Variants in NEDD9 observed in about 807,000 individuals in gnomAD.
NEDD9 encodes the protein neural precursor cell expressed, developmentally down-regulated 9.
A neutral mutation model predicts 76.6 loss-of-function variants in NEDD9; 26 were observed. The ratio of observed to expected loss-of-function variants is 0.34; its 90% CI spans 0.25 to 0.47. The LOEUF (loss-of-function observed/expected upper bound fraction) is 0.47, where lower values mean the gene tolerates loss of function less well. NEDD9 is among the 20% of genes least tolerant of loss of function. The pLI is 1.00. For missense variants in NEDD9, 937 were observed against 1,058.5 expected, an observed-to-expected ratio of 0.89 and a Z score of 1.59; for synonymous variants, 392 against 414.2, an observed-to-expected ratio of 0.95 and a Z score of 0.65.
upstream of NEDD9, among the ~76,000 whole-genome samples, chr6:11,234,877 A>AT (rs1316283831): frequency 7.2e-5 from 11 of 151,860 alleles, no homozygotes; most frequent in African/African-American, 1.2e-4. Context: ...TACCTGGCTA[A>AT]TTTTTTGTAT....
At chr6:11,293,800 C>G (rs1344288210) in intron 3 of NEDD9, among the ~76,000 whole-genome samples, 1 of 152,178 alleles carries the variant, frequency 6.6e-6, no homozygotes, top group Admixed American at 6.5e-5. Flanking sequence ...TCCTCCCAGT[C>G]CCCCAACCCC....
At chr6:11,193,751 G>T in intron 2 of NEDD9, 59 bp from the exon 3 acceptor site, 1 of 1,162,748 alleles carries the variant, frequency 8.6e-7, no homozygotes, top group Non-Finnish European at 1.3e-6. Context: ...GAATCTCCTT[G>T]CCTCCTAACT....
At chr6:11,275,559 C>G (rs1235577130) in intron 3 of NEDD9, among the ~76,000 whole-genome samples, 1 of 147,126 alleles carries the variant, frequency 6.8e-6, no homozygotes, top group Non-Finnish European at 1.5e-5. Context: ...CACACACACA[C>G]ACACACATAT....
upstream of NEDD9, among the ~76,000 whole-genome samples, chr6:11,234,191 G>T (rs1231524827): frequency 6.6e-6 from 1 of 152,054 alleles, no homozygotes; most frequent in Admixed American, 6.5e-5. Context: ...ATTGTGCAAG[G>T]CCTTTCTGAA....
At chr6:11,356,520 T>C (rs1300402441) in intron 1 of NEDD9, among the ~76,000 whole-genome samples, 1 of 152,198 alleles carries the variant, frequency 6.6e-6, no homozygotes, top group Non-Finnish European at 1.5e-5. Flanking sequence ...TCTTAAATTT[T>C]CCGTGCATCA....
intron 3 of NEDD9, among the ~76,000 whole-genome samples, chr6:11,268,957 G>A (rs1760252372): frequency 6.6e-6 from 1 of 152,168 alleles, no homozygotes; most frequent in Non-Finnish European, 1.5e-5. Context: ...GGGAATTTGT[G>A]AACTTAGAGA....
intron 1 of NEDD9, among the ~76,000 whole-genome samples, chr6:11,356,945 C>G (rs997206118): frequency 2.2e-4 from 33 of 152,118 alleles, no homozygotes; most frequent in Admixed American, 6.5e-5. Context: ...GGTGGGGCAA[C>G]AGGATTTCCT....
chr6:11,320,504 T>C (rs1030513893), intron 2 of NEDD9, among the ~76,000 whole-genome samples: 2 of 152,134 alleles, frequency 1.3e-5, no homozygotes, highest in Admixed American at 6.5e-5. Flanking sequence ...AGACTGCAGG[T>C]GCATACAGCC....
intron 1 of NEDD9, among the ~76,000 whole-genome samples, chr6:11,371,668 A>C (rs1762877721): frequency 6.6e-6 from 1 of 152,234 alleles, no homozygotes. Flanking sequence ...GTTGTAGATA[A>C]CAGGTGAGAA....
intron 2 of NEDD9, among the ~76,000 whole-genome samples, chr6:11,311,522 C>A (rs1441046763): frequency 6.6e-6 from 1 of 152,224 alleles, no homozygotes; most frequent in Non-Finnish European, 1.5e-5. Context: ...CATTAGAATT[C>A]TGCTTACTGA....
intron 1 of NEDD9, among the ~76,000 whole-genome samples, chr6:11,368,644 G>A (rs1762808889): frequency 1.3e-5 from 2 of 152,178 alleles, no homozygotes. Flanking sequence ...TTGAGTGCTT[G>A]TACATATCTG....
intron 2 of NEDD9, chr6:11,200,844 A>G: frequency 6.5e-7 from 1 of 1,542,302 alleles, no homozygotes; most frequent in Non-Finnish European, 8.7e-7. Context: ...AAGACACGCC[A>G]ATGGGAAACC....
At chr6:11,227,717 G>A (rs1053762881) in intron 1 of NEDD9, among the ~76,000 whole-genome samples, 2 of 152,180 alleles carry the variant, frequency 1.3e-5, no homozygotes, top group African/African-American at 2.4e-5. Flanking sequence ...AGGCCCAGTA[G>A]GCAACCTATC....
chr6:11,354,541 G>T (rs1397726130), intron 1 of NEDD9, among the ~76,000 whole-genome samples: 2 of 152,216 alleles, frequency 1.3e-5, no homozygotes, highest in African/African-American at 4.8e-5. Context: ...ACATGGAGCT[G>T]CATGCTGTTG....
intron 3 of NEDD9, among the ~76,000 whole-genome samples, chr6:11,247,200 T>C (rs1759828236): frequency 6.6e-6 from 1 of 152,226 alleles, no homozygotes; most frequent in Non-Finnish European, 1.5e-5. Flanking sequence ...CAGTCCATTC[T>C]TTCCTCCCTG....
rs558301012 is a variant in NEDD9 at position 11,323,455 on chromosome 6, G to A, written c.-153+11046C>T. On this transcript the variant is annotated intron_variant, in intron 2 of 3. Transcript: ENST00000397378. ...CCTCTGCAGGGCTCATGGGCTCAAA[G>A]TCACAGGTTCTCACCAAGGGTGATG... 3.9e-5 allele frequency among the ~76,000 whole-genome samples: 6 copies of A among 152,362 alleles called. No individual in the cohort carries two copies. In the South Asian group the frequency reaches 1.2e-3, roughly 32 times the overall value.
At chr6:11,246,203 A>G (rs1426138989) in intron 3 of NEDD9, among the ~76,000 whole-genome samples, 1 of 152,236 alleles carries the variant, frequency 6.6e-6, no homozygotes, top group Non-Finnish European at 1.5e-5. Flanking sequence ...CATTCCAGCA[A>G]AATGGACTGA....
exon 3 of NEDD9, chr6:11,306,126 T>C (rs1761178822): frequency 3.4e-6 from 4 of 1,191,250 alleles, no homozygotes; most frequent in Admixed American, 1.7e-5. Context: ...TGCCAGTGTC[T>C]GACATTACGG....
intron 3 of NEDD9, among the ~76,000 whole-genome samples, chr6:11,290,858 T>C (rs1760747648): frequency 1.3e-5 from 2 of 152,162 alleles, no homozygotes; most frequent in African/African-American, 4.8e-5. Context: ...TCAGCAGCTG[T>C]GCTCATCTCT....
Sources: allele counts gnomAD v4.1 joint callset (sites outside exome capture counted in the v4.1 genomes callset), GRCh38; gene constraint gnomAD v4.1.1; transcripts MANE v1.5; gene names NCBI Gene and HGNC (gene_info 2026-07-23, HGNC 2026-07-21).